Variants in BRCA1 observed in about 807,000 individuals in gnomAD.
BRCA1 encodes BRCA1 DNA repair associated.
In BRCA1, 140 loss-of-function variants were observed where a neutral mutation model predicts 173.7. The observed-to-expected ratio is 0.81, with a 90% CI of 0.70 to 0.93. The LOEUF is 0.93. BRCA1 is among the 40% of genes least tolerant of loss of function. BRCA1 has a pLI of 0.00. For synonymous variants in BRCA1, 662 were observed against 756.0 expected (o/e 0.88, Z 2.04); for missense variants, 1,983 against 2,172.5 (o/e 0.91, Z 1.73).
intron 2 of BRCA1, among the ~76,000 whole-genome samples, chr17:43,121,990 T>G (rs1420569360): frequency 5.9e-5 from 9 of 152,226 alleles, no homozygotes; most frequent in Non-Finnish European, 8.8e-5. Flanking sequence ...AAAAGCAGTT[T>G]TTTCCTACAA....
At chr17:43,139,677 C>T (rs576324980) in intron 1 of BRCA1, 5 of 347,352 alleles carry the variant, frequency 1.4e-5, no homozygotes, top group East Asian at 7.8e-5. Flanking sequence ...TTTTTTGGCT[C>T]CTCTCCCTCC....
upstream of BRCA1, among the ~76,000 whole-genome samples, chr17:43,126,796 C>T (rs2055889595): frequency 6.6e-6 from 1 of 152,192 alleles, no homozygotes; most frequent in Admixed American, 6.5e-5. Context: ...TCTGGGCTGG[C>T]CGAAGCCAGA....
chr17:43,125,836 G>T (rs73625094), upstream of BRCA1: 312 of 155,804 alleles, frequency 2.0e-3, no homozygotes, highest in Non-Finnish European at 3.3e-3. Flanking sequence ...CATGCGTTGC[G>T]GAATGAAAGG....
Position 43,071,077 on chromosome 17 carries a change from T to A in BRCA1, c.4837A>T (p.Ser1613Cys), listed in dbSNP as rs1799966. 3.0e-5 allele frequency: 49 copies of A among 1,613,874 alleles called. No homozygotes were observed. The African/African-American group carries it at 6.1e-4, about 20-fold the overall frequency. Residue 1613 changes from serine to cysteine, a missense_variant, in exon 15 of 23, where the codon AGT becomes TGT. Ser to Cys is a moderately radical substitution (Grantham distance 112, BLOSUM62 -1). Transcript: ENST00000357654. Reference protein sequence around the residue: ...PQLKVAESAQSPAAAHTTDTA... With the variant: ...PQLKVAESAQCPAAAHTTDTA... The stretch of plus-strand genomic sequence containing the variant: ...TCAGTAGTATGAGCAGCAGCTGGAC[T>A]CTGGGCAGATTCTGCAACTTTCAAT...
intron 11 of BRCA1, among the ~76,000 whole-genome samples, chr17:43,083,344 C>G (rs1169620867): frequency 6.6e-6 from 1 of 151,992 alleles, no homozygotes; most frequent in East Asian, 1.9e-4. Flanking sequence ...TTTGTAGAAA[C>G]AGGGTTTTAC....
At chr17:43,161,396 T>G (rs1401608272) in intron 1 of BRCA1, 1 of 152,204 alleles carries the variant, frequency 6.6e-6, no homozygotes, top group Non-Finnish European at 1.5e-5. Context: ...ATAGCTATGC[T>G]TTTCACGGGA....
rs2154367261 is a variant in BRCA1, at chr17:43,092,891, C to G, written c.2640G>C (p.Glu880Asp). Residue 880 changes from glutamate (E) to aspartate (D), a missense_variant, in exon 10 of 23, where the codon GAG becomes GAC. By Grantham distance (45) the Glu-to-Asp change is conservative. Transcript: ENST00000357654. Reference sequence around the variant, plus strand: ...AGTGGGCAGAGAATGTTGCACATTCCTCTTCTGCATTTCCTGGATTTGAAA... The same window carrying G: ...AGTGGGCAGAGAATGTTGCACATTCGTCTTCTGCATTTCCTGGATTTGAAA... ...APFSNPGNAE[E>D]ECATFSAHSG... 6.2e-7 allele frequency: 1 copy of G among 1,613,866 alleles called. No homozygotes were observed. The highest frequency in any genetic ancestry group is 8.5e-7 in the Non-Finnish European group (1 of 1,179,982).
chr17:43,074,944 GAAAGA>G (rs1368592461), intron 13 of BRCA1, among the ~76,000 whole-genome samples: 4 of 149,246 alleles, frequency 2.7e-5, no homozygotes, highest in African/African-American at 7.4e-5. Flanking sequence ...GGAAAGAAAG[GAAAGA>G]AAAGGAAAGG....
intron 1 of BRCA1, among the ~76,000 whole-genome samples, chr17:43,135,977 C>G (rs540208642): frequency 6.6e-6 from 1 of 152,156 alleles, no homozygotes; most frequent in South Asian, 2.1e-4. Context: ...TCTGCAGTAC[C>G]GCAGAGTGAG....
intron 16 of BRCA1, 50 bp downstream of exon 16, chr17:43,067,558 G>A (rs1435440890): frequency 6.8e-7 from 1 of 1,480,644 alleles, no homozygotes; most frequent in Admixed American, 1.7e-5. Context: ...CTCGCCTCAT[G>A]TGGTTTTATG....
chr17:43,066,172 CTCAG>C (rs1223500669), intron 16 of BRCA1, among the ~76,000 whole-genome samples: 10 of 152,160 alleles, frequency 6.6e-5, no homozygotes, highest in African/African-American at 1.4e-4. Context: ...GAAATGTGTA[CTCAG>C]ATTTAGTTTA....
At chr17:43,124,908 G>A (rs2055799314) in intron 1 of BRCA1, 1 of 314,334 alleles carries the variant, frequency 3.2e-6, no homozygotes, top group Non-Finnish European at 6.3e-6. Flanking sequence ...ACCACGCCCG[G>A]CTAATTTTTG....
At chr17:43,126,906 C>T (rs905836264), upstream of BRCA1, among the ~76,000 whole-genome samples, 3 of 152,082 alleles carry the variant, frequency 2.0e-5, no homozygotes, top group Admixed American at 6.5e-5. Flanking sequence ...TCCAGGTGGG[C>T]GCGGGCTCAG....
chr17:43,101,868 T>G (rs2054490711), intron 6 of BRCA1, among the ~76,000 whole-genome samples: 2 of 152,106 alleles, frequency 1.3e-5, no homozygotes, highest in African/African-American at 4.8e-5. Flanking sequence ...AGCAAATCAC[T>G]ACATTTTCTT....
intron 4 of BRCA1, among the ~76,000 whole-genome samples, chr17:43,105,373 A>G (rs1242511588): frequency 6.6e-6 from 1 of 152,074 alleles, no homozygotes; most frequent in Non-Finnish European, 1.5e-5. Flanking sequence ...CCAAGTAGCT[A>G]GGACTATGGG....
Position 43,049,243 on chromosome 17 carries a change from A to G in BRCA1, c.5333-49T>C, listed in dbSNP as rs1247333490. On this transcript the variant is annotated intron_variant, in intron 20 of 22. Transcript: ENST00000357654. ...AATCACTGCAGTAATCTGCATACTT[A>G]ACCCAGGCCCTCTACCCTACACTCT... The G allele has an allele frequency of 6.5e-7, 1 of 1,545,794 alleles. No homozygotes were observed. Among genetic ancestry groups the G allele is most frequent in the Non-Finnish European group, 8.9e-7 (1 of 1,118,858 alleles).
At chr17:43,096,552 C>T (rs1597883140) in intron 8 of BRCA1, among the ~76,000 whole-genome samples, 1 of 130,138 alleles carries the variant, frequency 7.7e-6, no homozygotes. Context: ...ATCCTGGCAA[C>T]AGGGCAAGAC....
intron 1 of BRCA1, among the ~76,000 whole-genome samples, chr17:43,157,244 C>T (rs2056203109): frequency 6.6e-6 from 1 of 152,180 alleles, no homozygotes; most frequent in South Asian, 2.1e-4. Flanking sequence ...AACTTACCTA[C>T]CCTATAGCTA....
rs766673300 is a variant in BRCA1, at chr17:43,045,594, G to T, written c.*84C>A. 1 of 1,567,804 alleles carries T rather than the reference G, an allele frequency of 6.4e-7. No homozygotes were observed. The highest frequency in any genetic ancestry group is 2.2e-5 in the East Asian group (1 of 44,558). On this transcript the variant is annotated 3_prime_UTR_variant, in exon 23 of 23. Transcript: ENST00000357654. ...CAGGACAGTAGAAGGACTGAAGAGT[G>T]AGAGGAGCTCCCAGGGCCTGGAAAG...
Sources: gnomAD v4.1 joint callset for allele counts (sites outside exome capture counted in the v4.1 genomes callset) on GRCh38, gnomAD v4.1.1 for gene constraint, MANE v1.5 for transcripts, NCBI Gene and HGNC (gene_info 2026-07-23, HGNC 2026-07-21) for gene names.